SWT1: variants seen among roughly 807,000 people sequenced by gnomAD.
The protein encoded by SWT1 is SWT1 RNA endoribonuclease homolog.
Under a neutral mutation model 107.3 loss-of-function variants are expected in SWT1, and 33 were observed. That is an observed-to-expected ratio of 0.31 (90% CI 0.23 to 0.41). SWT1 has a LOEUF of 0.41. Among genes scored for constraint, SWT1 ranks in the 10% least tolerant of loss-of-function variants. The pLI is 1.00. For synonymous variants in SWT1, 345 were observed against 348.3 expected (o/e 0.99, Z 0.11); for missense variants, 898 against 1,028.9 (o/e 0.87, Z 1.74).
intron 13 of SWT1, among the ~76,000 whole-genome samples, chr1:185,212,126 C>T (rs1224509515): frequency 6.6e-6 from 1 of 152,060 alleles, no homozygotes; most frequent in African/African-American, 2.4e-5. Flanking sequence ...TTAGTGGGTG[C>T]AGCACACCAA....
intron 10 of SWT1, among the ~76,000 whole-genome samples, chr1:185,195,507 T>C (rs575926598): frequency 2.0e-5 from 3 of 152,354 alleles, no homozygotes; most frequent in South Asian, 4.1e-4. Context: ...CCTTTGGGTA[T>C]GTACCCAGTA....
intron 6 of SWT1, among the ~76,000 whole-genome samples, chr1:185,180,705 C>T (rs1571431643): frequency 6.6e-6 from 1 of 152,242 alleles, no homozygotes; most frequent in South Asian, 2.1e-4. Flanking sequence ...CACAAGTAAT[C>T]TGAATTTTGA....
At chr1:185,182,473 G>A (rs1656097906) in intron 7 of SWT1, among the ~76,000 whole-genome samples, 2 of 152,108 alleles carry the variant, frequency 1.3e-5, no homozygotes, top group South Asian at 4.2e-4. Context: ...TTCAAGACCA[G>A]CCTGGGCAGC....
chr1:185,250,764 G>A (rs1661953242), intron 16 of SWT1, among the ~76,000 whole-genome samples: 1 of 152,186 alleles, frequency 6.6e-6, no homozygotes, highest in Non-Finnish European at 1.5e-5. Context: ...CCGGGTTCAA[G>A]TGATTGTTCT....
rs1663268320 is a variant in SWT1 at position 185,264,934 on chromosome 1, A to AT, written c.2442-6388dup. Among the ~76,000 whole-genome samples the AT allele has an allele frequency of 2.6e-5, 4 of 152,316 alleles. No homozygotes were observed. In the South Asian group the frequency reaches 8.3e-4, roughly 32 times the overall value. The stretch of plus-strand genomic sequence containing the variant: ...GTCTAACAAACATGTAAGACATATA[A>AT]TCTATTCTTTTAACAATCAAAATGA... On this transcript the variant is annotated intron_variant, in intron 16 of 18. Coordinates refer to ENST00000367500, the MANE Select transcript of SWT1 (RefSeq NM_017673.7).
intron 4 of SWT1, among the ~76,000 whole-genome samples, chr1:185,169,469 A>C (rs185718894): frequency 9.8e-5 from 15 of 152,310 alleles, no homozygotes; most frequent in Admixed American, 9.8e-4. Flanking sequence ...ATTGGTGTGC[A>C]AACAGTGAAA....
intron 10 of SWT1, 53 bp from the exon 11 acceptor site, chr1:185,202,601 G>A: frequency 6.6e-7 from 1 of 1,523,598 alleles, no homozygotes; most frequent in Non-Finnish European, 9.0e-7. Context: ...TTGCCATGTG[G>A]TTTACCTTAT....
rs971613548 is a variant in SWT1, at chr1:185,184,416, C to CT, written c.1240+79dup. On this transcript the variant is annotated intron_variant, in intron 8 of 18. Coordinates refer to ENST00000367500, the MANE Select transcript of SWT1 (RefSeq NM_017673.7). ...GATATTTTATATTAACAATGATGGG[C>CT]TTTTTTTGCCATGAACATGTCTCCA... 9.1e-5 allele frequency: 77 copies of CT among 843,694 alleles called. No individual in the cohort carries two copies. The East Asian group carries it at 1.3e-3, about 15-fold the overall frequency. The allele number at this position is 843,694 out of a possible 1,614,324, so 52.3% of individuals were successfully genotyped here.
At chr1:185,227,060 T>G (rs1660124533) in intron 15 of SWT1, 1 of 981,504 alleles carries the variant, frequency 1.0e-6, no homozygotes, top group South Asian at 1.3e-5. Context: ...CTTTATCTTC[T>G]TCCATTAAAT....
intron 2 of SWT1, among the ~76,000 whole-genome samples, chr1:185,163,075 A>C (rs1654284228): frequency 6.6e-6 from 1 of 152,146 alleles, no homozygotes; most frequent in Admixed American, 6.5e-5. Context: ...CGTGATGTTG[A>C]TGGCTTGCTA....
intron 15 of SWT1, among the ~76,000 whole-genome samples, chr1:185,228,200 T>TGC (rs1660239207): frequency 6.9e-6 from 1 of 144,958 alleles, no homozygotes; most frequent in African/African-American, 2.7e-5. Flanking sequence ...CATATATATA[T>TGC]ACTCAGTATG....
At chr1:185,239,306 TCTAA>T (rs1029373641) in intron 16 of SWT1, among the ~76,000 whole-genome samples, 3 of 152,132 alleles carry the variant, frequency 2.0e-5, no homozygotes, top group Non-Finnish European at 4.4e-5. Flanking sequence ...GAAAATACTT[TCTAA>T]CTATGTTTAC....
chr1:185,211,921 C>G (rs1320495935), intron 13 of SWT1, among the ~76,000 whole-genome samples: 2 of 152,038 alleles, frequency 1.3e-5, no homozygotes, highest in African/African-American at 4.8e-5. Context: ...ATGGATGAAA[C>G]TGGAAACCAT....
chr1:185,206,037 CA>C (rs1332578760), intron 12 of SWT1, among the ~76,000 whole-genome samples: 2 of 151,976 alleles, frequency 1.3e-5, no homozygotes, highest in Non-Finnish European at 2.9e-5. Context: ...CGGCTCACTG[CA>C]ACCTCCTCCT....
chr1:185,180,067 C>A (rs1302595331), intron 5 of SWT1, among the ~76,000 whole-genome samples: 2 of 152,092 alleles, frequency 1.3e-5, no homozygotes, highest in East Asian at 3.9e-4. Context: ...GCCTGTGGTC[C>A]CAGCTACTCA....
intron 11 of SWT1, among the ~76,000 whole-genome samples, chr1:185,203,045 T>G (rs1658014416): frequency 6.6e-6 from 1 of 152,246 alleles, no homozygotes; most frequent in Non-Finnish European, 1.5e-5. Flanking sequence ...GTCTGCACGC[T>G]TACATACATT....
chr1:185,241,096 C>CT (rs1387785457), intron 16 of SWT1, among the ~76,000 whole-genome samples: 1 of 151,818 alleles, frequency 6.6e-6, no homozygotes, highest in Non-Finnish European at 1.5e-5. Context: ...ATAGGTCATC[C>CT]TTTACTTTAC....
At chr1:185,233,653 C>T (rs1240512847) in intron 16 of SWT1, among the ~76,000 whole-genome samples, 1 of 152,182 alleles carries the variant, frequency 6.6e-6, no homozygotes, top group Non-Finnish European at 1.5e-5. Flanking sequence ...TTTGATTGCA[C>T]TGTGGTCTGA....
At chr1:185,220,681 A>G (rs1403465877) in intron 14 of SWT1, among the ~76,000 whole-genome samples, 1 of 152,204 alleles carries the variant, frequency 6.6e-6, no homozygotes, top group East Asian at 1.9e-4. Flanking sequence ...TACCTAAAAA[A>G]CAAACATATT....
Sources: gnomAD v4.1 joint callset for allele counts (sites outside exome capture counted in the v4.1 genomes callset) on GRCh38, gnomAD v4.1.1 for gene constraint, MANE v1.5 for transcripts, NCBI Gene and HGNC (gene_info 2026-07-23, HGNC 2026-07-21) for gene names.